The following AGO3 variants were observed in gnomAD, a reference collection of about 807,000 sequenced individuals.
AGO3 encodes protein argonaute-3.
Under a neutral mutation model 105.5 loss-of-function variants are expected in AGO3, and 16 were observed. That is an observed-to-expected ratio of 0.15 (90% CI 0.10 to 0.23). AGO3 has a LOEUF of 0.23. Ranked by LOEUF, AGO3 falls within the 10% of genes least tolerant of loss-of-function variation. The pLI is 1.00. For missense variants in AGO3, 534 were observed against 1,088.0 expected, an observed-to-expected ratio of 0.49 and a Z score of 7.16; for synonymous variants, 340 against 367.3, an observed-to-expected ratio of 0.93 and a Z score of 0.85.
chr1:36,032,701 G>C (rs1264445458), intron 12 of AGO3, among the ~76,000 whole-genome samples: 1 of 149,692 alleles, frequency 6.7e-6, no homozygotes, highest in Non-Finnish European at 1.5e-5. Context: ...TTATATATAA[G>C]AAGTTATGCT....
chr1:35,971,987 T>C, intron 3 of AGO3, 37 bp from the exon 4 acceptor site: 1 of 1,560,276 alleles, frequency 6.4e-7, no homozygotes, highest in Non-Finnish European at 8.8e-7. Flanking sequence ...ATTTATCTTT[T>C]TCAACATTTA....
At chr1:36,000,172 G>A (rs958125353) in intron 5 of AGO3, among the ~76,000 whole-genome samples, 17 of 152,000 alleles carry the variant, frequency 1.1e-4, no homozygotes, top group Non-Finnish European at 5.9e-5. Flanking sequence ...TTCAGTAATA[G>A]CTAATTTGTG....
chr1:35,955,143 A>G (rs1222086191), intron 2 of AGO3, among the ~76,000 whole-genome samples: 3 of 152,360 alleles, frequency 2.0e-5, no homozygotes, highest in Admixed American at 1.3e-4. Flanking sequence ...CAGAAATAGT[A>G]GAGAGCCAAT....
chr1:35,937,993 T>C (rs1013713749), intron 1 of AGO3, among the ~76,000 whole-genome samples: 2 of 151,288 alleles, frequency 1.3e-5, no homozygotes, highest in East Asian at 1.9e-4. Context: ...TTTTTTTTTT[T>C]TTTTTGAGAC....
intron 17 of AGO3, among the ~76,000 whole-genome samples, chr1:36,046,446 C>G (rs935707049): frequency 5.9e-5 from 9 of 151,934 alleles, no homozygotes; most frequent in African/African-American, 2.2e-4. Flanking sequence ...AATCCCAGCA[C>G]TTCGGGAGGC....
At chr1:35,982,337 A>G (rs1023560675) in intron 5 of AGO3, among the ~76,000 whole-genome samples, 1 of 152,226 alleles carries the variant, frequency 6.6e-6, no homozygotes, top group Non-Finnish European at 1.5e-5. Flanking sequence ...GAACTGAAGG[A>G]CAATGAATAC....
intron 5 of AGO3, among the ~76,000 whole-genome samples, chr1:35,994,759 A>G (rs1648110925): frequency 6.6e-6 from 1 of 152,250 alleles, no homozygotes; most frequent in African/African-American, 2.4e-5. Context: ...AGTGCCATTC[A>G]TAACATAAAA....
chr1:36,017,343 G>A (rs2148823117), intron 11 of AGO3, among the ~76,000 whole-genome samples: 1 of 152,288 alleles, frequency 6.6e-6, no homozygotes, highest in African/African-American at 2.4e-5. Flanking sequence ...CACCCTGTTT[G>A]TTAATCCCCT....
At chr1:35,967,912 A>G (rs745489373) in intron 3 of AGO3, among the ~76,000 whole-genome samples, 17 of 152,200 alleles carry the variant, frequency 1.1e-4, no homozygotes, top group Non-Finnish European at 2.4e-4. Flanking sequence ...GGATCATGAT[A>G]TAGATACCAT....
At chr1:36,038,341 C>T (rs182151622) in intron 14 of AGO3, among the ~76,000 whole-genome samples, 9 of 150,520 alleles carry the variant, frequency 6.0e-5, no homozygotes, top group Middle Eastern at 3.5e-3. Context: ...CTGCAAGCTC[C>T]GCCTCCCGGG....
rs1263464500 is a variant in AGO3, at chr1:36,063,752, A to G, written c.*8007A>G. 3 of 152,230 alleles carry G rather than the reference A, an allele frequency of 2.0e-5. No homozygotes were observed. The highest frequency in any genetic ancestry group is 4.4e-5 in the Non-Finnish European group (3 of 68,048). The allele number at this position is 152,230 out of a possible 1,614,324, so 9.4% of individuals were successfully genotyped here. On this transcript the variant is annotated 3_prime_UTR_variant, in exon 19 of 19. Coordinates refer to ENST00000373191, the MANE Select transcript of AGO3 (RefSeq NM_024852.4). ...ATTATAGAATATTAAGTTCAATTAT[A>G]TATAGACAGTCCAGTTTCCTAGTGA...
intron 2 of AGO3, among the ~76,000 whole-genome samples, chr1:35,964,154 T>C (rs1246393032): frequency 1.3e-5 from 2 of 152,170 alleles, no homozygotes; most frequent in African/African-American, 4.8e-5. Context: ...TATATATGTA[T>C]TTAAGTTCAG....
chr1:36,061,952 A>G lies in AGO3; in HGVS notation c.*6207A>G, dbSNP rs991653548. The G allele has an allele frequency of 1.3e-5, 2 of 152,186 alleles. No individual in the cohort carries two copies. Among genetic ancestry groups the G allele is most frequent in the African/African-American group, 4.8e-5 (2 of 41,442 alleles). 9.4% of individuals were successfully genotyped at this position (152,186 alleles called of 1,614,324 possible). On this transcript the variant is annotated 3_prime_UTR_variant, in exon 19 of 19. Transcript: ENST00000373191. ...CTTTTATGCAGTAAAGTATCTAGGT[A>G]AATGCTCACCAAATTTATTTTGTAA... is the stretch of plus-strand genomic sequence containing the variant.
Position 36,038,445 on chromosome 1 carries a change from C to T in AGO3, c.1843-1345C>T, listed in dbSNP as rs550943932. ...TAATTTTTTGTATTTTTAGTAGAGA[C>T]GGGGTTTCACTGTGTTAGCCAGGAT... On this transcript the variant is annotated intron_variant, in intron 14 of 18. Coordinates refer to ENST00000373191, the MANE Select transcript of AGO3 (RefSeq NM_024852.4). Among the ~76,000 whole-genome samples the T allele has an allele frequency of 2.3e-4, 35 of 151,980 alleles. 1 individual carries two copies. The highest frequency in any genetic ancestry group is 7.2e-4 in the African/African-American group (30 of 41,456).
intron 5 of AGO3, among the ~76,000 whole-genome samples, chr1:35,993,505 T>C (rs1256102046): frequency 6.6e-6 from 1 of 152,094 alleles, no homozygotes; most frequent in Non-Finnish European, 1.5e-5. Context: ...TGCCAATTAA[T>C]TTGATAGGTG....
chr1:35,978,713 G>A (rs1316733037), intron 5 of AGO3, among the ~76,000 whole-genome samples: 3 of 152,140 alleles, frequency 2.0e-5, no homozygotes, highest in Admixed American at 6.5e-5. Context: ...ACACAATACT[G>A]ATGTTGAGGA....
rs1259786293 is a variant in AGO3, at chr1:36,068,995, C to G, written c.*13250C>G. ...AGACTTGGAATTTAGTAATAGGTCT[C>G]CCACTGATTTGCTCCGTGTCCTTAG... On this transcript the variant is annotated 3_prime_UTR_variant, in exon 19 of 19. Coordinates refer to ENST00000373191, the MANE Select transcript of AGO3 (RefSeq NM_024852.4). 2.0e-5 allele frequency: 3 copies of G among 152,196 alleles called. No homozygotes were observed. In the East Asian group the frequency reaches 5.8e-4, roughly 29 times the overall value. The allele number at this position is 152,196 out of a possible 1,614,324, so 9.4% of individuals were successfully genotyped here. A position where few individuals can be genotyped will look rare whatever the true frequency, so the allele number is the denominator to read the frequency against.
chr1:35,941,840 A>G (rs1646261491), intron 1 of AGO3, among the ~76,000 whole-genome samples: 2 of 152,230 alleles, frequency 1.3e-5, no homozygotes, highest in Non-Finnish European at 2.9e-5. Context: ...CAGAAATACA[A>G]AAACTTAGCC....
chr1:35,968,878 C>A (rs1646817606), intron 3 of AGO3, among the ~76,000 whole-genome samples: 1 of 151,762 alleles, frequency 6.6e-6, no homozygotes, highest in Non-Finnish European at 1.5e-5. Context: ...CTCTCACTTC[C>A]ATGCCAACAC....
Sources: gnomAD v4.1 joint callset for allele counts (sites outside exome capture counted in the v4.1 genomes callset) on GRCh38, gnomAD v4.1.1 for gene constraint, MANE v1.5 for transcripts, NCBI Gene and HGNC (gene_info 2026-07-23, HGNC 2026-07-21) for gene names.